The following SLC30A8 variants were observed in gnomAD, a reference collection of about 807,000 sequenced individuals.
The protein encoded by SLC30A8 is solute carrier family 30 member 8.
SLC30A8 carries 27 observed loss-of-function variants against 36.9 expected under a neutral mutation model. That is an observed-to-expected ratio of 0.73 (90% CI 0.54 to 1.01). SLC30A8 has a LOEUF of 1.01. SLC30A8 is among the 50% of genes least tolerant of loss of function. The pLI is 0.00. For missense variants in SLC30A8, 439 were observed against 452.0 expected, an observed-to-expected ratio of 0.97 and a Z score of 0.26; for synonymous variants, 164 against 172.4, an observed-to-expected ratio of 0.95 and a Z score of 0.38.
intron 1 of SLC30A8, among the ~76,000 whole-genome samples, chr8:117,032,394 G>T (rs1388292212): frequency 6.6e-6 from 1 of 152,044 alleles, no homozygotes; most frequent in African/African-American, 2.4e-5. Flanking sequence ...TGAATAAAAA[G>T]GTGTAAAAAA....
chr8:117,105,696 T>C (rs892285461), intron 2 of SLC30A8, among the ~76,000 whole-genome samples: 4 of 152,138 alleles, frequency 2.6e-5, no homozygotes, highest in Non-Finnish European at 4.4e-5. Flanking sequence ...ATTGATTCAG[T>C]GAGGCCCACC....
chr8:117,006,337 A>C (rs750187428), intron 1 of SLC30A8, among the ~76,000 whole-genome samples: 1 of 152,114 alleles, frequency 6.6e-6, no homozygotes, highest in African/African-American at 2.4e-5. Flanking sequence ...GTGTGATCCT[A>C]TTGGGTTTTT....
At chr8:117,104,625 G>A (rs1408586958) in intron 2 of SLC30A8, among the ~76,000 whole-genome samples, 2 of 152,104 alleles carry the variant, frequency 1.3e-5, no homozygotes, top group African/African-American at 4.8e-5. Context: ...CCAAAAGGGG[G>A]TCCTGATCCA....
intron 2 of SLC30A8, 85 bp downstream of exon 2, chr8:117,147,238 G>A (rs1354339162): frequency 1.7e-6 from 2 of 1,171,792 alleles, no homozygotes; most frequent in African/African-American, 1.5e-5. Flanking sequence ...TTCTTATAAA[G>A]TAAGATTTAA....
chr8:117,002,531 T>A (rs1816045062), intron 1 of SLC30A8, among the ~76,000 whole-genome samples: 1 of 152,192 alleles, frequency 6.6e-6, no homozygotes, highest in Non-Finnish European at 1.5e-5. Context: ...AAGTTAAAAA[T>A]TTCTAGAGTA....
intron 2 of SLC30A8, among the ~76,000 whole-genome samples, chr8:117,119,479 A>C (rs1472223547): frequency 6.6e-6 from 1 of 151,860 alleles, no homozygotes; most frequent in Admixed American, 6.6e-5. Flanking sequence ...GTCCAAGAGG[A>C]AGTCAAGGGG....
rs1198483156 is a variant in SLC30A8 at position 117,123,344 on chromosome 8, A to G, written c.-225-11936A>G. 2.0e-5 allele frequency among the ~76,000 whole-genome samples: 3 copies of G among 152,034 alleles called. No individual in the cohort carries two copies. The South Asian group carries it at 6.2e-4, about 31-fold the overall frequency. On this transcript the variant is annotated intron_variant, in intron 2 of 10. Coordinates refer to the SLC30A8 transcript ENST00000427715. ...CTAGCTGATTTTATGCAGTGCATAA[A>G]CAGACATCAGAATGAGACTAATGGA... is the stretch of plus-strand genomic sequence containing the variant.
At chr8:117,108,483 A>G (rs1358045150) in intron 2 of SLC30A8, among the ~76,000 whole-genome samples, 1 of 152,224 alleles carries the variant, frequency 6.6e-6, no homozygotes, top group Non-Finnish European at 1.5e-5. Flanking sequence ...TGCTCAGAGG[A>G]GATGCCTCCA....
chr8:117,106,097 T>G (rs1003965588), intron 2 of SLC30A8, among the ~76,000 whole-genome samples: 1 of 152,182 alleles, frequency 6.6e-6, no homozygotes, highest in African/African-American at 2.4e-5. Flanking sequence ...CACAAACATT[T>G]GTAGAAGGCC....
chr8:117,084,460 TAG>T (rs1258637349), intron 2 of SLC30A8, among the ~76,000 whole-genome samples: 1 of 152,174 alleles, frequency 6.6e-6, no homozygotes, highest in African/African-American at 2.4e-5. Flanking sequence ...TCAGTTTTAT[TAG>T]AGTGTTCCAG....
In SLC30A8 at chr8:117,157,792, C is replaced by T. The variant is rs779581100; in HGVS notation, c.520C>T (p.Gln174Ter). The T allele has an allele frequency of 7.8e-5, 126 of 1,614,038 alleles. 1 individual carries two copies. The South Asian group carries it at 1.3e-3, about 17-fold the overall frequency. Residue 174 changes from glutamine to a stop codon, truncating the protein, a stop_gained, in exon 4 of 8, where the codon CAG becomes TAG. Coordinates refer to ENST00000456015, the MANE Select transcript of SLC30A8 (RefSeq NM_173851.3). LOFTEE classifies it high-confidence loss of function. The stretch of plus-strand genomic sequence containing the variant: ...CCTGCTGTATCCTGATTACCAGATC[C>T]AGGCGACTGTGATGATCATCGTTTC... ...ERLLYPDYQIQATVMIIVSSC... is the reference protein window; with the variant it reads ...ERLLYPDYQI
At chr8:117,048,959 T>C (rs1331622464) in intron 2 of SLC30A8, among the ~76,000 whole-genome samples, 4 of 152,172 alleles carry the variant, frequency 2.6e-5, no homozygotes, top group Non-Finnish European at 5.9e-5. Context: ...CTGATGAGAG[T>C]TCAATTTCTA....
intron 1 of SLC30A8, among the ~76,000 whole-genome samples, chr8:116,988,085 C>T (rs941660979): frequency 1.3e-5 from 2 of 152,154 alleles, no homozygotes; most frequent in African/African-American, 4.8e-5. Flanking sequence ...CCATTTGGCA[C>T]TTTGCCTAGT....
intron 2 of SLC30A8, among the ~76,000 whole-genome samples, chr8:117,087,068 ATATTCTAACACAGAAAATCTGGGGT>A (rs1328609377): frequency 1.3e-5 from 2 of 152,170 alleles, no homozygotes; most frequent in African/African-American, 4.8e-5. Context: ...TATGGAAAAC[ATATTCTAACACAGAAAATCTGGGGT>A]TATAATGGGA....
At chr8:117,034,811 A>G (rs1281661595) in intron 1 of SLC30A8, among the ~76,000 whole-genome samples, 1 of 152,242 alleles carries the variant, frequency 6.6e-6, no homozygotes, top group Non-Finnish European at 1.5e-5. Context: ...CAGGAAACTC[A>G]CAATCATGGC....
chr8:117,100,053 C>T (rs919675986), intron 2 of SLC30A8, among the ~76,000 whole-genome samples: 2 of 152,076 alleles, frequency 1.3e-5, no homozygotes, highest in African/African-American at 2.4e-5. Context: ...ATGCACTGTA[C>T]CCTCCACCCC....
At chr8:117,031,990 A>G (rs778431564) in intron 1 of SLC30A8, among the ~76,000 whole-genome samples, 70 of 152,104 alleles carry the variant, frequency 4.6e-4, no homozygotes, top group Non-Finnish European at 2.5e-4. Flanking sequence ...TTACCTTCAC[A>G]TACTCTATTA....
At chr8:117,087,384 C>G (rs1415373936) in intron 2 of SLC30A8, among the ~76,000 whole-genome samples, 1 of 152,204 alleles carries the variant, frequency 6.6e-6, no homozygotes. Context: ...CACATTTAAT[C>G]TGTCTTGGGA....
intron 6 of SLC30A8, among the ~76,000 whole-genome samples, 154 bp from the exon 7 acceptor site, chr8:117,170,880 T>C (rs1352551992): frequency 6.6e-6 from 1 of 152,148 alleles, no homozygotes; most frequent in Non-Finnish European, 1.5e-5. Context: ...CTTGAAGTAG[T>C]CAGGTAAATC....
Sources: allele counts gnomAD v4.1 joint callset (sites outside exome capture counted in the v4.1 genomes callset), GRCh38; gene constraint gnomAD v4.1.1; transcripts MANE v1.5; gene names NCBI Gene and HGNC (gene_info 2026-07-23, HGNC 2026-07-21).